The following INSR variants were observed in gnomAD, a reference collection of about 807,000 sequenced individuals.
INSR encodes the protein IR.
Under a neutral mutation model 142.6 loss-of-function variants are expected in INSR, and 67 were observed. The ratio of observed to expected loss-of-function variants is 0.47; its 90% CI spans 0.39 to 0.58. INSR has a LOEUF of 0.58. Among genes scored for constraint, INSR ranks in the 20% least tolerant of loss-of-function variants. INSR has a pLI of 0.00. For missense variants in INSR, 1,248 were observed against 1,833.2 expected (o/e 0.68, Z 5.83); for synonymous variants, 756 against 743.1 (o/e 1.02, Z -0.28).
At position 7,166,365 on chromosome 19, in the gene INSR, C is replaced by G. The variant is rs2059806; in HGVS notation, c.1650G>C (p.Ala550=). 4.3e-6 allele frequency: 7 copies of G among 1,613,692 alleles called. No homozygotes were observed. The highest frequency in any genetic ancestry group is 5.1e-6 in the Non-Finnish European group (6 of 1,179,938). The stretch of plus-strand genomic sequence containing the variant: ...CCACCGTCCAACTGTTGGAACCACA[C>G]GCATCCTGCCCGTCGAACTCCGTCA... The part of the protein sequence containing the change: ...QNVTEFDGQD[A]CGSNSWTVVD... Residue 550 remains alanine, a synonymous_variant, in exon 8 of 22, where the codon GCG becomes GCC. Transcript: ENST00000302850. The surrounding 1 kb of genome is among the most constrained non-coding windows in gnomAD (Gnocchi z 4.1).
At chr19:7,270,542 A>T (rs1967890945) in intron 1 of INSR, among the ~76,000 whole-genome samples, 1 of 151,998 alleles carries the variant, frequency 6.6e-6, no homozygotes, top group Non-Finnish European at 1.5e-5. Flanking sequence ...GATTGAAGCC[A>T]GGAGTTTAAA....
rs1049156854 is a variant in INSR, at chr19:7,128,226, T to C, written c.2945+626A>G. On this transcript the variant is annotated intron_variant, in intron 15 of 21. Coordinates refer to ENST00000302850, the MANE Select transcript of INSR (RefSeq NM_000208.4). ...CAGTTTTGTCCTACTTTTTTTTTTT[T>C]TCCCGAGACGGAGTCTCCCTCTGTC... 7.2e-5 allele frequency among the ~76,000 whole-genome samples: 11 copies of C among 151,928 alleles called. No individual in the cohort carries two copies. In the East Asian group the frequency reaches 1.9e-3, roughly 27 times the overall value.
At chr19:7,221,357 G>C (rs1975604976) in intron 2 of INSR, among the ~76,000 whole-genome samples, 1 of 147,680 alleles carries the variant, frequency 6.8e-6, no homozygotes, top group Admixed American at 7.0e-5. Context: ...CTGGGCAATA[G>C]AGTGAGACTC....
At chr19:7,203,520 G>A (rs1430857179) in intron 2 of INSR, among the ~76,000 whole-genome samples, 1 of 152,144 alleles carries the variant, frequency 6.6e-6, no homozygotes, top group Non-Finnish European at 1.5e-5. Context: ...TGCAAGGCGG[G>A]TTTCCCTGGG....
chr19:7,214,150 C>G (rs960487631), intron 2 of INSR, among the ~76,000 whole-genome samples: 1 of 152,132 alleles, frequency 6.6e-6, no homozygotes, highest in Non-Finnish European at 1.5e-5. Context: ...GATTAAACGC[C>G]TTACTCATCT....
rs1972286137 is a variant in INSR, at chr19:7,114,908, T to TG, written c.*2147dup. The stretch of plus-strand genomic sequence containing the variant: ...AGAGAACAAAATACCTAGTTCTACG[T>TG]GTTTTTTTTTTAAATTTAGGTACAG... On this transcript the variant is annotated 3_prime_UTR_variant, in exon 22 of 22. Transcript: ENST00000302850. The TG allele has an allele frequency of 1.9e-5, 1 of 53,128 alleles. No individual in the cohort carries two copies. Among genetic ancestry groups the TG allele is most frequent in the Non-Finnish European group, 3.4e-5 (1 of 29,504 alleles). 3.3% of individuals were successfully genotyped at this position (53,128 alleles called of 1,614,324 possible).
intron 9 of INSR, among the ~76,000 whole-genome samples, chr19:7,154,683 G>A (rs1286026576): frequency 1.3e-5 from 2 of 151,632 alleles, no homozygotes; most frequent in African/African-American, 2.4e-5. Context: ...CAGCACTTTG[G>A]GAGGCCGAGG....
At chr19:7,142,788 C>T in intron 12 of INSR, 28 bp downstream of exon 12, 1 of 1,612,982 alleles carries the variant, frequency 6.2e-7, no homozygotes, top group South Asian at 1.1e-5. Context: ...CCACCCATGA[C>T]ACTCGGACCC....
chr19:7,224,694 A>G (rs978591398), intron 2 of INSR, among the ~76,000 whole-genome samples: 2 of 152,232 alleles, frequency 1.3e-5, no homozygotes, highest in Admixed American at 1.3e-4. Context: ...CGTCCCGAGG[A>G]AATGCACCGT....
chr19:7,247,429 A>G (rs541061670), intron 2 of INSR, among the ~76,000 whole-genome samples: 2 of 151,880 alleles, frequency 1.3e-5, no homozygotes, highest in African/African-American at 4.8e-5. Context: ...GATTAGATGT[A>G]CCTATAATAG....
chr19:7,268,422 G>A (rs1967808559), intron 1 of INSR: 1 of 985,040 alleles, frequency 1.0e-6, no homozygotes, highest in Non-Finnish European at 1.2e-6. Flanking sequence ...CCTGGGTGTG[G>A]TGAGGGCTTC....
chr19:7,280,262 T>A (rs1216836992), intron 1 of INSR, among the ~76,000 whole-genome samples: 1 of 150,140 alleles, frequency 6.7e-6, no homozygotes, highest in Non-Finnish European at 1.5e-5. Context: ...AGACTCCGTC[T>A]CATAACAAAA....
At chr19:7,281,047 T>C (rs1244115687) in intron 1 of INSR, among the ~76,000 whole-genome samples, 1 of 152,196 alleles carries the variant, frequency 6.6e-6, no homozygotes, top group Non-Finnish European at 1.5e-5. Flanking sequence ...GTCTATGACA[T>C]AGTTTTGTAA....
chr19:7,238,049 G>A (rs1976218806), intron 2 of INSR, among the ~76,000 whole-genome samples: 1 of 152,072 alleles, frequency 6.6e-6, no homozygotes, highest in Non-Finnish European at 1.5e-5. Context: ...ATTTCCCAGA[G>A]GAAGGATGGA....
chr19:7,141,499 G>T, intron 13 of INSR, 178 bp downstream of exon 13: 2 of 784,298 alleles, frequency 2.6e-6, no homozygotes, highest in Non-Finnish European at 4.2e-6. Context: ...TGGTAGATTG[G>T]CATTTCTGAC....
chr19:7,180,148 C>T (rs1974236207), intron 3 of INSR, among the ~76,000 whole-genome samples: 1 of 152,168 alleles, frequency 6.6e-6, no homozygotes, highest in Admixed American at 6.6e-5. Flanking sequence ...TGTTTTAAGC[C>T]ACTAAGCACT....
intron 7 of INSR, among the ~76,000 whole-genome samples, chr19:7,167,097 T>C (rs183672232): frequency 6.6e-6 from 1 of 152,114 alleles, no homozygotes; most frequent in Non-Finnish European, 1.5e-5. Flanking sequence ...CTCCTTTGAG[T>C]ATCAAGTCGG....
At chr19:7,270,195 G>A (rs945258080) in intron 1 of INSR, among the ~76,000 whole-genome samples, 12 of 152,126 alleles carry the variant, frequency 7.9e-5, no homozygotes, top group South Asian at 4.2e-4. Flanking sequence ...TGATCCACCC[G>A]CCTCAGCCTC....
intron 2 of INSR, among the ~76,000 whole-genome samples, chr19:7,222,864 G>A (rs1171191485): frequency 6.6e-6 from 1 of 152,130 alleles, no homozygotes; most frequent in Non-Finnish European, 1.5e-5. Flanking sequence ...TTGCAAAAAA[G>A]GCAAAGAGGG....
Sources: gnomAD v4.1 joint callset for allele counts (sites outside exome capture counted in the v4.1 genomes callset) on GRCh38, gnomAD v4.1.1 for gene constraint, Gnocchi (gnomAD v3.1) non-coding constraint, MANE v1.5 for transcripts, NCBI Gene and HGNC (gene_info 2026-07-23, HGNC 2026-07-21) for gene names.